TGFBR3: variants seen among roughly 807,000 people sequenced by gnomAD.
The protein encoded by TGFBR3 is transforming growth factor beta receptor 3, also known as transforming growth factor beta receptor type 3.
TGFBR3 carries 46 observed loss-of-function variants against 87.9 expected under a neutral mutation model. The observed-to-expected ratio is 0.52, with a 90% CI of 0.41 to 0.67. The LOEUF (loss-of-function observed/expected upper bound fraction) is 0.67, where lower values mean the gene tolerates loss of function less well. Among genes scored for constraint, TGFBR3 ranks in the 30% least tolerant of loss-of-function variants. The pLI, the probability that TGFBR3 is intolerant of heterozygous loss-of-function variation, is 0.00. For synonymous variants in TGFBR3, 381 were observed against 391.6 expected (o/e 0.97, Z 0.32); for missense variants, 866 against 1,041.9 (o/e 0.83, Z 2.32).
upstream of TGFBR3, among the ~76,000 whole-genome samples, chr1:91,887,170 C>T (rs1044575175): frequency 1.4e-5 from 2 of 143,872 alleles, no homozygotes; most frequent in African/African-American, 5.0e-5. Flanking sequence ...CCCGTCAAGG[C>T]TCAGTTCAAA....
At chr1:91,685,497 T>C (rs1449412508) in intron 16 of TGFBR3, among the ~76,000 whole-genome samples, 5 of 151,984 alleles carry the variant, frequency 3.3e-5, no homozygotes, top group Non-Finnish European at 7.4e-5. Context: ...TAATTTTTTG[T>C]ATTTTTAGTA....
chr1:91,883,547 C>T (rs1167363341), intron 1 of TGFBR3, among the ~76,000 whole-genome samples: 1 of 152,090 alleles, frequency 6.6e-6, no homozygotes, highest in East Asian at 1.9e-4. Context: ...CGGGTTTATG[C>T]GCCTTATAGA....
At chr1:91,825,493 T>C (rs966473081) in intron 2 of TGFBR3, among the ~76,000 whole-genome samples, 4 of 152,092 alleles carry the variant, frequency 2.6e-5, no homozygotes, top group Non-Finnish European at 2.9e-5. Context: ...AAGGGAAGAA[T>C]AGGGAGAGAT....
chr1:91,805,361 G>A (rs1675789320), intron 2 of TGFBR3, among the ~76,000 whole-genome samples: 1 of 152,162 alleles, frequency 6.6e-6, no homozygotes, highest in African/African-American at 2.4e-5. Context: ...CGAGAAATCT[G>A]ATCTCAAAAT....
intron 2 of TGFBR3, among the ~76,000 whole-genome samples, chr1:91,804,550 A>G (rs1675762849): frequency 6.6e-6 from 1 of 152,150 alleles, no homozygotes; most frequent in Admixed American, 6.5e-5. Context: ...AGCTCCATTC[A>G]GGAAGGCTTC....
At chr1:91,794,365 G>A (rs1675299561) in intron 3 of TGFBR3, among the ~76,000 whole-genome samples, 1 of 152,094 alleles carries the variant, frequency 6.6e-6, no homozygotes, top group South Asian at 2.1e-4. Context: ...CACCATGCCA[G>A]CTAATTTTTG....
intron 2 of TGFBR3, among the ~76,000 whole-genome samples, chr1:91,813,819 G>A (rs146813343): frequency 2.0e-5 from 3 of 152,290 alleles, no homozygotes; most frequent in Non-Finnish European, 4.4e-5. Flanking sequence ...TCCACAGACC[G>A]AGGAGGAGAG....
intron 2 of TGFBR3, among the ~76,000 whole-genome samples, chr1:91,852,314 A>G (rs1002736786): frequency 9.9e-5 from 15 of 152,060 alleles, no homozygotes; most frequent in Non-Finnish European, 2.9e-5. Context: ...ACACAGGTCC[A>G]TACAGGGCAA....
chr1:91,787,341 C>T (rs1675008129), intron 3 of TGFBR3, among the ~76,000 whole-genome samples: 1 of 152,076 alleles, frequency 6.6e-6, no homozygotes, highest in African/African-American at 2.4e-5. Context: ...CTATTAACAT[C>T]TCCATTTTAC....
chr1:91,877,285 C>A (rs1046706224), intron 1 of TGFBR3, among the ~76,000 whole-genome samples: 2 of 152,098 alleles, frequency 1.3e-5, no homozygotes, highest in Non-Finnish European at 2.9e-5. Flanking sequence ...AGATGGGATA[C>A]TTTTTGGAAG....
intron 16 of TGFBR3, among the ~76,000 whole-genome samples, chr1:91,693,757 TCC>T (rs2100710150): frequency 6.6e-6 from 1 of 152,198 alleles, no homozygotes; most frequent in African/African-American, 2.4e-5. Context: ...TCAAACTCAC[TCC>T]CAACAGCCAA....
chr1:91,730,589 A>T (rs1237928874), intron 5 of TGFBR3, among the ~76,000 whole-genome samples: 1 of 152,194 alleles, frequency 6.6e-6, no homozygotes, highest in Non-Finnish European at 1.5e-5. Context: ...TATGTATTTC[A>T]TGGTCAGCGT....
At chr1:91,777,077 G>A (rs1473572786) in intron 3 of TGFBR3, among the ~76,000 whole-genome samples, 1 of 152,110 alleles carries the variant, frequency 6.6e-6, no homozygotes, top group East Asian at 1.9e-4. Flanking sequence ...TTTCCTCCCT[G>A]GCAGGTACCT....
At chr1:91,805,763 A>G (rs572421384) in intron 2 of TGFBR3, among the ~76,000 whole-genome samples, 1 of 152,368 alleles carries the variant, frequency 6.6e-6, no homozygotes, top group Non-Finnish European at 1.5e-5. Context: ...TAGGGGCCAC[A>G]CATCTTGTAC....
chr1:91,902,752 C>T (rs886065548), intron 1 of TGFBR3, among the ~76,000 whole-genome samples: 1 of 152,032 alleles, frequency 6.6e-6, no homozygotes, highest in East Asian at 1.9e-4. Flanking sequence ...ATTCAGCACC[C>T]AGCACTGAAG....
At chr1:91,812,677 G>A (rs1000933204) in intron 2 of TGFBR3, among the ~76,000 whole-genome samples, 21 of 152,024 alleles carry the variant, frequency 1.4e-4, no homozygotes, top group African/African-American at 5.1e-4. Flanking sequence ...CAATGGCACC[G>A]TCCCAGCTCA....
chr1:91,868,735 T>A (rs1678475366), intron 1 of TGFBR3, among the ~76,000 whole-genome samples: 1 of 152,166 alleles, frequency 6.6e-6, no homozygotes, highest in Admixed American at 6.5e-5. Context: ...AGGACAACAG[T>A]CATCCTCCCT....
At chr1:91,835,119 T>C (rs1476645027) in intron 2 of TGFBR3, among the ~76,000 whole-genome samples, 2 of 152,196 alleles carry the variant, frequency 1.3e-5, no homozygotes, top group Non-Finnish European at 2.9e-5. Context: ...AGCCCCATCA[T>C]AGGCTCAATG....
rs1387503132 is a variant in TGFBR3 at position 91,797,375 on chromosome 1, G to A, written c.158C>T (p.Ala53Val). ...TGGCAGCCCAGTTGTGCCTCTGCTG[G>A]CACAGCCTGACAAAACAGTGAAGCT... ...MESFTVLSGC[A>V]SRGTTGLPQE... Residue 53 changes from alanine (A) to valine (V), a missense_variant, in exon 3 of 17, where the codon GCC becomes GTC. Ala to Val is a moderately conservative substitution (Grantham distance 64). Coordinates refer to ENST00000212355, the MANE Select transcript of TGFBR3 (RefSeq NM_003243.5). The A allele has an allele frequency of 1.2e-6, 2 of 1,614,208 alleles. No homozygotes were observed. Among genetic ancestry groups the A allele is most frequent in the South Asian group, 2.2e-5 (2 of 91,076 alleles).
Sources: gnomAD v4.1 joint callset for allele counts (sites outside exome capture counted in the v4.1 genomes callset) on GRCh38, gnomAD v4.1.1 for gene constraint, MANE v1.5 for transcripts, NCBI Gene and HGNC (gene_info 2026-07-23, HGNC 2026-07-21) for gene names.